The following RIGI variants were observed in gnomAD, a reference collection of about 807,000 sequenced individuals.
RIGI encodes RNA sensor RIG-I.
chr9:32,493,893 A>C, the RIGI span: 1 of 1,608,962 alleles, frequency 6.2e-7, no homozygotes. Flanking sequence ...CCAACTTTTC[A>C]ATTTTTTTGA....
At chr9:32,521,159 A>AAAAAAAAAAAAC in the RIGI span, among the ~76,000 whole-genome samples, 1 of 150,790 alleles carries the variant, frequency 6.6e-6, no homozygotes, top group Non-Finnish European at 1.5e-5. Context: ...AAAAAAAAAA[A>AAAAAAAAAAAAC]AAACTTCACA....
At chr9:32,461,032 T>C in the RIGI span, among the ~76,000 whole-genome samples, 1 of 110,852 alleles carries the variant, frequency 9.0e-6, no homozygotes, top group Non-Finnish European at 1.9e-5. Context: ...AAAAAAATCT[T>C]GAAAGCAGCC....
chr9:32,512,630 G>T, the RIGI span, among the ~76,000 whole-genome samples: 2,257 of 152,210 alleles, frequency 0.015, 72 homozygotes, highest in African/African-American at 0.052. Context: ...ATGGGCAAAA[G>T]TTGGAAGCAT....
At chr9:32,466,704 A>AAAG in the RIGI span, among the ~76,000 whole-genome samples, 1 of 150,254 alleles carries the variant, frequency 6.7e-6, no homozygotes, top group East Asian at 1.9e-4. Context: ...AAAAAAAAAA[A>AAAG]AAAAAAAAAA....
chr9:32,503,593 G>A, the RIGI span, among the ~76,000 whole-genome samples: 1 of 152,188 alleles, frequency 6.6e-6, no homozygotes, highest in Non-Finnish European at 1.5e-5. Context: ...TCTTCCACCT[G>A]AAACTGTGAC....
At chr9:32,500,816 A>T in the RIGI span, 2 of 1,614,120 alleles carry the variant, frequency 1.2e-6, no homozygotes. Context: ...TGCATGGTCT[A>T]GGGCATCCAA....
the RIGI span, among the ~76,000 whole-genome samples, chr9:32,505,539 AG>A: frequency 7.9e-5 from 12 of 152,326 alleles, no homozygotes; most frequent in Admixed American, 3.9e-4. Flanking sequence ...GGGACTTCAT[AG>A]TTTTCTTCAT....
At chr9:32,495,083 T>C in the RIGI span, among the ~76,000 whole-genome samples, 2 of 152,248 alleles carry the variant, frequency 1.3e-5, no homozygotes, top group African/African-American at 4.8e-5. Context: ...TATTTTCAAT[T>C]TTTTGAGGGA....
the RIGI span, among the ~76,000 whole-genome samples, chr9:32,482,049 C>G: frequency 5.9e-5 from 9 of 152,202 alleles, no homozygotes; most frequent in Non-Finnish European, 1.3e-4. Context: ...CCATCACCAT[C>G]TCTCCATCCT....
the RIGI span, among the ~76,000 whole-genome samples, chr9:32,496,627 C>T: frequency 0.6 from 91,877 of 152,016 alleles, 28,290 homozygotes; most frequent in African/African-American, 0.68. Context: ...TCAGCCTCCA[C>T]AATCATGTGA....
chr9:32,459,255 G>T, the RIGI span: 3 of 1,228,860 alleles, frequency 2.4e-6, no homozygotes, highest in Non-Finnish European at 3.4e-6. Flanking sequence ...TAAATACACA[G>T]ATCATGGCCA....
At chr9:32,495,011 C>T in the RIGI span, among the ~76,000 whole-genome samples, 1 of 152,054 alleles carries the variant, frequency 6.6e-6, no homozygotes, top group East Asian at 1.9e-4. Context: ...TCATCAATAC[C>T]TTGCTTTCAA....
At chr9:32,488,093 A>G in the RIGI span, 8 of 1,614,028 alleles carry the variant, frequency 5.0e-6, no homozygotes, top group Non-Finnish European at 6.8e-6. Flanking sequence ...TCCCTTTTTA[A>G]GGTTGTTCAC....
chr9:32,500,473 T>C, the RIGI span, among the ~76,000 whole-genome samples: 3 of 152,194 alleles, frequency 2.0e-5, no homozygotes, highest in South Asian at 6.2e-4. Flanking sequence ...ACATTACAAT[T>C]GTTATTATTA....
the RIGI span, among the ~76,000 whole-genome samples, chr9:32,480,915 A>C: frequency 2.0e-5 from 3 of 152,236 alleles, no homozygotes; most frequent in Non-Finnish European, 4.4e-5. Context: ...GGTGAGCCAG[A>C]GAACCTGGAT....
the RIGI span, among the ~76,000 whole-genome samples, chr9:32,463,783 G>A: frequency 6.6e-6 from 1 of 151,476 alleles, no homozygotes; most frequent in Non-Finnish European, 1.5e-5. Flanking sequence ...GTGTAGTCAT[G>A]GGTATGCATG....
the RIGI span, among the ~76,000 whole-genome samples, chr9:32,463,889 C>CTTTTTTTTTTTTTTTTT: frequency 1.7e-3 from 226 of 135,500 alleles, 27 homozygotes; most frequent in African/African-American, 2.0e-3. Context: ...ATTCTGATTT[C>CTTTTTTTTTTTTTTTTT]AAATAAACCT....
the RIGI span, chr9:32,466,435 C>T: frequency 6.2e-7 from 1 of 1,603,578 alleles, no homozygotes; most frequent in Non-Finnish European, 8.5e-7. Context: ...TCTTGCTCTT[C>T]CTCTGCCTAT....
At chr9:32,488,847 A>T in the RIGI span, 1 of 1,613,222 alleles carries the variant, frequency 6.2e-7, no homozygotes, top group Non-Finnish European at 8.5e-7. Flanking sequence ...TTTTAAGATG[A>T]TGTTCACATA....
Sources: gnomAD v4.1 joint callset for allele counts (sites outside exome capture counted in the v4.1 genomes callset) on GRCh38, gnomAD v4.1.1 for gene constraint, MANE v1.5 for transcripts, NCBI Gene and HGNC (gene_info 2026-07-23, HGNC 2026-07-21) for gene names.